Variants in MMRN1 observed in about 807,000 individuals in gnomAD.
The protein encoded by MMRN1 is multimerin 1.
A neutral mutation model predicts 100.7 loss-of-function variants in MMRN1; 94 were observed. That is an observed-to-expected ratio of 0.93 (90% CI 0.79 to 1.11). MMRN1 has a LOEUF of 1.11. Ranked by LOEUF, MMRN1 falls within the 50% of genes least tolerant of loss-of-function variation. MMRN1 has a pLI of 0.00. For synonymous variants in MMRN1, 575 were observed against 505.0 expected, an observed-to-expected ratio of 1.14 and a Z score of -1.86; for missense variants, 1,606 against 1,439.1, an observed-to-expected ratio of 1.12 and a Z score of -1.88.
intron 6 of MMRN1, among the ~76,000 whole-genome samples, chr4:89,943,335 A>G (rs1331446303): frequency 6.6e-6 from 1 of 152,176 alleles, no homozygotes; most frequent in Non-Finnish European, 1.5e-5. Context: ...GTACACAATC[A>G]TGTGTACGTG....
intron 4 of MMRN1, among the ~76,000 whole-genome samples, chr4:89,923,992 T>C (rs1413413505): frequency 6.6e-6 from 1 of 152,186 alleles, no homozygotes; most frequent in African/African-American, 2.4e-5. Flanking sequence ...AAATTCAGTA[T>C]CTTTATAAAA....
At chr4:89,900,671 G>A (rs894415889) in intron 1 of MMRN1, among the ~76,000 whole-genome samples, 1 of 152,018 alleles carries the variant, frequency 6.6e-6, no homozygotes, top group African/African-American at 2.4e-5. Flanking sequence ...AACAGTGCCA[G>A]GTGCATAGAA....
At chr4:89,948,548 T>C (rs573099261) in intron 6 of MMRN1, among the ~76,000 whole-genome samples, 2 of 152,288 alleles carry the variant, frequency 1.3e-5, no homozygotes, top group East Asian at 3.9e-4. Context: ...GACAGTGTGA[T>C]ACAGATGCAG....
chr4:89,924,529 TATTA>T (rs935133418), intron 4 of MMRN1, among the ~76,000 whole-genome samples: 1 of 151,390 alleles, frequency 6.6e-6, no homozygotes, highest in Non-Finnish European at 1.5e-5. Flanking sequence ...AATATATATA[TATTA>T]ATTTTTAATT....
At chr4:89,926,278 T>C (rs1017042738) in intron 4 of MMRN1, among the ~76,000 whole-genome samples, 2 of 152,212 alleles carry the variant, frequency 1.3e-5, no homozygotes, top group Non-Finnish European at 2.9e-5. Flanking sequence ...CTCCATATCC[T>C]TGCCAGCATT....
intron 4 of MMRN1, 28 bp from the exon 5 acceptor site, chr4:89,927,767 T>C (rs1337916336): frequency 6.3e-7 from 1 of 1,586,660 alleles, no homozygotes. Flanking sequence ...TATTTTTTAA[T>C]GGTCTCAATT....
Position 89,938,204 on chromosome 4 carries a change from T to C in MMRN1, c.3118+1406T>C, listed in dbSNP as rs1035090236. On this transcript the variant is annotated intron_variant, in intron 6 of 7. Coordinates refer to ENST00000264790, the MANE Select transcript of MMRN1 (RefSeq NM_007351.3). ...TCTCTACTATTTAAATTAGTATATT[T>C]ATTTATGACTCCCCCAGAGTAATCT... is the stretch of plus-strand genomic sequence containing the variant. Among the ~76,000 whole-genome samples, 3 of 151,842 alleles carry C rather than the reference T, an allele frequency of 2.0e-5. No homozygotes were observed. The East Asian group carries it at 5.8e-4, about 29-fold the overall frequency.
chr4:89,931,703 G>A (rs772978975), intron 5 of MMRN1, among the ~76,000 whole-genome samples: 2 of 152,126 alleles, frequency 1.3e-5, no homozygotes, highest in African/African-American at 2.4e-5. Context: ...ATGTGCAGGG[G>A]AACTGCCCTT....
chr4:89,898,123 T>C (rs966305816), intron 1 of MMRN1, among the ~76,000 whole-genome samples: 2 of 152,062 alleles, frequency 1.3e-5, no homozygotes, highest in African/African-American at 4.8e-5. Context: ...GTCCTTCACT[T>C]TTGGACACAG....
rs538935533 is a variant in MMRN1, at chr4:89,953,561, T to C, written c.*143T>C. 26 of 587,042 alleles carry C rather than the reference T, an allele frequency of 4.4e-5. No homozygotes were observed. Among genetic ancestry groups the C allele is most frequent in the Admixed American group, 7.5e-5 (2 of 26,618 alleles). The allele number at this position is 587,042 out of a possible 1,614,324, so 36.4% of individuals were successfully genotyped here. A position where few individuals can be genotyped will look rare whatever the true frequency, so the allele number is the denominator to read the frequency against. Reference sequence around the variant, plus strand: ...TTTTTAATATGAGTAAACTTGTATGTCTATTTTATAAAATTATTTGAATAT... The same window carrying C: ...TTTTTAATATGAGTAAACTTGTATGCCTATTTTATAAAATTATTTGAATAT... On this transcript the variant is annotated 3_prime_UTR_variant, in exon 8 of 8. Coordinates refer to ENST00000264790, the MANE Select transcript of MMRN1 (RefSeq NM_007351.3).
intron 3 of MMRN1, among the ~76,000 whole-genome samples, chr4:89,919,845 A>G (rs1290161436): frequency 6.6e-6 from 1 of 152,154 alleles, no homozygotes; most frequent in East Asian, 1.9e-4. Context: ...TCAAATAACT[A>G]TGCATTTAGA....
At chr4:89,952,898 A>G in intron 7 of MMRN1, 99 bp from the exon 8 acceptor site, 1 of 1,218,410 alleles carries the variant, frequency 8.2e-7, no homozygotes, top group Non-Finnish European at 1.1e-6. Flanking sequence ...CTCTTCTGCT[A>G]AGACTTTTTG....
At position 89,951,615 on chromosome 4, in the gene MMRN1, A is replaced by G. The variant is rs1376012483; in HGVS notation, c.3129A>G (p.Ser1043=). 6.6e-7 allele frequency: 1 copy of G among 1,512,366 alleles called. No individual in the cohort carries two copies. Among genetic ancestry groups the G allele is most frequent in the Non-Finnish European group, 8.8e-7 (1 of 1,134,058 alleles). 93.7% of individuals were successfully genotyped at this position (1,512,366 alleles called of 1,614,324 possible). A position where few individuals can be genotyped will look rare whatever the true frequency, so the allele number is the denominator to read the frequency against. The part of the protein sequence containing the change: ...TDNIIYPEEY[S]SCSRHPCQNG... ...CTTTTTCCGTAACAGAGGAGTATTC[A>G]AGCTGTAGTCGGCATCCGTGCCAAA... The change falls in exon 7 of 8, where the codon TCA becomes TCG. Residue 1043 remains serine (S), a synonymous_variant. Transcript: ENST00000264790.
At chr4:89,890,219 T>C (rs1328296174), upstream of MMRN1, among the ~76,000 whole-genome samples, 4 of 150,632 alleles carry the variant, frequency 2.7e-5, no homozygotes, top group Non-Finnish European at 5.9e-5. Flanking sequence ...TGGGTTCTTT[T>C]GTCTTTTATT....
In MMRN1 at chr4:89,950,191, G is replaced by A. The variant is rs114058188; in HGVS notation, c.3119-1414G>A. Among the ~76,000 whole-genome samples, 473 of 152,222 alleles carry A rather than the reference G, an allele frequency of 3.1e-3. 4 individuals are homozygous for A. The highest frequency in any genetic ancestry group is 0.011 in the African/African-American group (460 of 41,548). On this transcript the variant is annotated intron_variant, in intron 6 of 7. Transcript: ENST00000264790. ...GAATCTACCTCATTCTTTAATTGCT[G>A]TCTAATATTCCTCAGTGGGAATATG...
chr4:89,890,897 T>C (rs116080096), upstream of MMRN1, among the ~76,000 whole-genome samples: 3,472 of 152,078 alleles, frequency 0.023, 50 homozygotes, highest in Middle Eastern at 0.065. Flanking sequence ...GATAAACTAA[T>C]ATGTTTCTCT....
Position 89,953,005 on chromosome 4 carries a change from A to G in MMRN1, c.3274A>G (p.Lys1092Glu), listed in dbSNP as rs1048267890. The change falls in exon 8 of 8, where the codon AAA becomes GAA. Residue 1092 changes from lysine to glutamate, a missense_variant. Physicochemically the swap from Lys to Glu is moderately conservative, Grantham distance 56. Transcript: ENST00000264790. ...EENALAPDFSKGSYRYAPMVA... is the reference protein window; with the variant it reads ...EENALAPDFSEGSYRYAPMVA... The stretch of plus-strand genomic sequence containing the variant: ...ATTTTTTCCTCTAACAGATTTTTCC[A>G]AAGGATCTTACAGATATGCACCCAT... 1 of 1,553,956 alleles carries G rather than the reference A, an allele frequency of 6.4e-7. No individual in the cohort carries two copies. The highest frequency in any genetic ancestry group is 2.3e-5 in the East Asian group (1 of 43,792).
rs760931978 is a variant in MMRN1 at position 89,927,973 on chromosome 4, A to C, written c.1129+5A>C. 6.5e-7 allele frequency: 1 copy of C among 1,533,718 alleles called. No individual in the cohort carries two copies. The highest frequency in any genetic ancestry group is 8.8e-7 in the Non-Finnish European group (1 of 1,135,638). On this transcript the variant is annotated splice_donor_5th_base_variant and intron_variant, in intron 5 of 7. Coordinates refer to ENST00000264790, the MANE Select transcript of MMRN1 (RefSeq NM_007351.3). Reference sequence around the variant, plus strand: ...AATTTCAATCTCTTCTAAAAGGTAAAAATGAAATAAAATAAAATATTCATT... The same window carrying C: ...AATTTCAATCTCTTCTAAAAGGTAACAATGAAATAAAATAAAATATTCATT...
chr4:89,936,046 T>C lies in MMRN1; in HGVS notation c.2366T>C (p.Leu789Ser). Residue 789 changes from leucine to serine, a missense_variant, in exon 6 of 8, where the codon TTG (leucine) becomes TCG (serine). Coordinates refer to ENST00000264790, the MANE Select transcript of MMRN1 (RefSeq NM_007351.3). Reference protein sequence around the residue: ...FHRLNDSIQTLVNDNQRYNFV... With the variant: ...FHRLNDSIQTSVNDNQRYNFV... ...CGTCTGAATGATTCTATTCAGACTT[T>C]GGTCAATGACAATCAGAGATATAAC... 1.9e-6 allele frequency: 3 copies of C among 1,612,392 alleles called. No individual in the cohort carries two copies. The highest frequency in any genetic ancestry group is 2.5e-6 in the Non-Finnish European group (3 of 1,179,380).
Sources: allele counts gnomAD v4.1 joint callset (sites outside exome capture counted in the v4.1 genomes callset), GRCh38; gene constraint gnomAD v4.1.1; transcripts MANE v1.5; gene names NCBI Gene and HGNC (gene_info 2026-07-23, HGNC 2026-07-21).